The following ZNF717 variants were observed in gnomAD, a reference collection of about 807,000 sequenced individuals.
The protein encoded by ZNF717 is krueppel-like factor X17.
In ZNF717, 9 loss-of-function variants were observed where a neutral mutation model predicts 13.8. That is an observed-to-expected ratio of 0.65 (90% CI 0.39 to 1.14). The LOEUF is 1.14. Among genes scored for constraint, ZNF717 ranks in the 50% most tolerant of loss-of-function variants. The probability of loss-of-function intolerance (pLI) is 0.01; values close to 1 mark genes in which losing one functional copy is unlikely to be tolerated. For synonymous variants in ZNF717, 327 were observed against 364.1 expected (o/e 0.90, Z 1.16); for missense variants, 1,040 against 1,080.7 (o/e 0.96, Z 0.53).
intron 5 of ZNF717, among the ~76,000 whole-genome samples, chr3:75,730,847 T>C (rs1260786912): frequency 2.0e-5 from 3 of 152,262 alleles, no homozygotes; most frequent in African/African-American, 7.2e-5. Flanking sequence ...CAATTCATCA[T>C]ATTCAGAGTC....
chr3:75,707,712 G>A (rs1184987191), downstream of ZNF717, among the ~76,000 whole-genome samples: 1 of 152,200 alleles, frequency 6.6e-6, no homozygotes, highest in Non-Finnish European at 1.5e-5. Flanking sequence ...AAAGAAAGGG[G>A]TGACAGATGG....
At position 75,738,708 on chromosome 3, in the gene ZNF717, AG is replaced by A. The variant is rs2107116020; in HGVS notation, c.914del (p.Pro305LeufsTer274). The A allele has an allele frequency of 6.4e-7, 1 of 1,551,820 alleles. No homozygotes were observed. Among genetic ancestry groups the A allele is most frequent in the Admixed American group, 2.0e-5 (1 of 51,012 alleles). ...KSDLMLQCKM[P>X]TEEKPYACNW... ...TACAGGCATAAGGTTTTTCCTCAGT[AG>A]GCATCTTGCACTGTAGCATAAGGTC... On this transcript the variant is annotated frameshift_variant, in exon 5 of 5. Coordinates refer to ENST00000652011, the MANE Select transcript of ZNF717 (RefSeq NM_001290208.3). LOFTEE classifies it low-confidence loss of function (END_TRUNC).
intron 2 of ZNF717, among the ~76,000 whole-genome samples, chr3:75,782,975 G>T (rs115259273): frequency 6.6e-6 from 1 of 152,226 alleles, no homozygotes; most frequent in Admixed American, 6.5e-5. Context: ...TGTCACCACC[G>T]AAGGTGGTGG....
chr3:75,767,194 C>T (rs112004012), intron 2 of ZNF717, among the ~76,000 whole-genome samples: 2 of 152,240 alleles, frequency 1.3e-5, no homozygotes, highest in African/African-American at 2.4e-5. Context: ...GGCCAGTCCA[C>T]GACTAGCTAC....
intron 6 of ZNF717, among the ~76,000 whole-genome samples, chr3:75,697,190 C>G (rs1369170910): frequency 1.5e-4 from 23 of 151,870 alleles, no homozygotes; most frequent in African/African-American, 4.9e-4. Flanking sequence ...AGCAATCAGA[C>G]AAGAGAAAGC....
intron 2 of ZNF717, among the ~76,000 whole-genome samples, chr3:75,779,237 A>T (rs1185528511): frequency 1.3e-5 from 2 of 151,678 alleles, no homozygotes; most frequent in Non-Finnish European, 2.9e-5. Flanking sequence ...TAAAACCAGA[A>T]ACCCAAAATA....
intron 4 of ZNF717, 101 bp from the exon 5 acceptor site, chr3:75,739,446 G>T: frequency 5.2e-6 from 4 of 771,276 alleles, no homozygotes; most frequent in Non-Finnish European, 7.4e-6. Context: ...AGTGGAGTAA[G>T]ATTTGACAAA....
chr3:75,697,847 G>A (rs1937620811), intron 6 of ZNF717, among the ~76,000 whole-genome samples: 1 of 152,308 alleles, frequency 6.6e-6, no homozygotes, highest in Non-Finnish European at 1.5e-5. Flanking sequence ...ATGAGAGAAA[G>A]TTGAGATTTT....
At chr3:75,770,249 G>C (rs1049870788) in intron 2 of ZNF717, among the ~76,000 whole-genome samples, 14 of 152,320 alleles carry the variant, frequency 9.2e-5, no homozygotes, top group Middle Eastern at 3.4e-3. Context: ...CCTGTATTCA[G>C]AAATCAGGAT....
chr3:75,760,774 AC>A (rs1400936533), intron 2 of ZNF717, among the ~76,000 whole-genome samples: 254 of 121,158 alleles, frequency 2.1e-3, no homozygotes, highest in Middle Eastern at 4.6e-3. Flanking sequence ...CTAATGACAA[AC>A]CAAGCAAAAG....
intron 2 of ZNF717, among the ~76,000 whole-genome samples, chr3:75,745,406 A>G (rs1941048320): frequency 6.6e-6 from 1 of 152,054 alleles, no homozygotes; most frequent in Admixed American, 6.6e-5. Flanking sequence ...GGGAAAAAGT[A>G]CGCATACATT....
rs1364266358 is a variant in ZNF717 at position 75,736,036 on chromosome 3, T to C, written c.*842A>G. Reference sequence around the variant, plus strand: ...TGGCAATCCCAATCTTTCAAAGATTTTAGTTATCACATCTGTTATGATCTG... The same window carrying C: ...TGGCAATCCCAATCTTTCAAAGATTCTAGTTATCACATCTGTTATGATCTG... On this transcript the variant is annotated 3_prime_UTR_variant, in exon 5 of 5. Coordinates refer to ENST00000652011, the MANE Select transcript of ZNF717 (RefSeq NM_001290208.3). The C allele has an allele frequency of 2.0e-5, 3 of 152,194 alleles. No homozygotes were observed. Among genetic ancestry groups the C allele is most frequent in the Non-Finnish European group, 4.4e-5 (3 of 68,034 alleles). 9.4% of individuals were successfully genotyped at this position (152,194 alleles called of 1,614,324 possible).
downstream of ZNF717, among the ~76,000 whole-genome samples, chr3:75,734,588 A>G (rs1261627335): frequency 2.0e-5 from 3 of 150,384 alleles, no homozygotes; most frequent in African/African-American, 7.3e-5. Flanking sequence ...ACCCACCACC[A>G]CACCCGGCTA....
chr3:75,755,879 A>G (rs1274089394), intron 2 of ZNF717, among the ~76,000 whole-genome samples: 3 of 152,278 alleles, frequency 2.0e-5, no homozygotes, highest in Admixed American at 2.0e-4. Context: ...ATATTAATCC[A>G]ATGATATCAA....
chr3:75,705,156 G>A (rs1362834992), downstream of ZNF717, among the ~76,000 whole-genome samples: 1 of 152,306 alleles, frequency 6.6e-6, no homozygotes, highest in Non-Finnish European at 1.5e-5. Flanking sequence ...AACCCAGCAT[G>A]TCACTTTTTT....
downstream of ZNF717, among the ~76,000 whole-genome samples, chr3:75,732,934 T>TA (rs112938231): frequency 0.33 from 49,279 of 148,142 alleles, 4,822 homozygotes; most frequent in South Asian, 0.49. Flanking sequence ...ACAGGGATTT[T>TA]AAAAAAAAAT....
chr3:75,756,803 T>C (rs1942529313), intron 2 of ZNF717, among the ~76,000 whole-genome samples: 2 of 152,162 alleles, frequency 1.3e-5, no homozygotes, highest in Non-Finnish European at 2.9e-5. Context: ...GCCTCCCGAG[T>C]AGCTGGGATT....
At chr3:75,780,059 AC>A (rs1366113660) in intron 2 of ZNF717, among the ~76,000 whole-genome samples, 2 of 149,906 alleles carry the variant, frequency 1.3e-5, no homozygotes, top group Non-Finnish European at 3.0e-5. Flanking sequence ...AATGGGAGTG[AC>A]GTGCTAAGCC....
downstream of ZNF717, among the ~76,000 whole-genome samples, chr3:75,725,522 A>T (rs1207596746): frequency 6.6e-6 from 1 of 152,248 alleles, no homozygotes; most frequent in Non-Finnish European, 1.5e-5. Context: ...TTCCTGTCAA[A>T]CTCATAATAA....
Sources: gnomAD v4.1 joint callset for allele counts (sites outside exome capture counted in the v4.1 genomes callset) on GRCh38, gnomAD v4.1.1 for gene constraint, MANE v1.5 for transcripts, NCBI Gene and HGNC (gene_info 2026-07-23, HGNC 2026-07-21) for gene names.